The following IL3RA variants were observed in gnomAD, a reference collection of about 807,000 sequenced individuals.
The protein encoded by IL3RA is interleukin 3 receptor subunit alpha, also known as interleukin-3 receptor subunit alpha.
Under a neutral mutation model 52.3 loss-of-function variants are expected in IL3RA, and 73 were observed. The observed-to-expected ratio is 1.40, with a 90% confidence interval of 1.16 to 1.70. The LOEUF (loss-of-function observed/expected upper bound fraction) is 1.70, where lower values mean the gene tolerates loss of function less well. Ranked by LOEUF, IL3RA falls within the 40% of genes most tolerant of loss-of-function variation. The pLI is 0.00. For missense variants in IL3RA, 664 were observed against 504.4 expected (o/e 1.32, Z -3.03); for synonymous variants, 260 against 194.0 (o/e 1.34, Z -2.83).
intron 9 of IL3RA, among the ~76,000 whole-genome samples, chrX:1,377,335 G>T (rs1334044436): frequency 1.3e-5 from 2 of 152,100 alleles, no homozygotes; most frequent in Non-Finnish European, 2.9e-5. Flanking sequence ...CCACCTCGCA[G>T]GTTCAGGCCA....
intron 6 of IL3RA, among the ~76,000 whole-genome samples, chrX:1,353,357 T>G (rs1287304978): frequency 1.4e-5 from 2 of 141,406 alleles, no homozygotes; most frequent in Non-Finnish European, 3.0e-5. Context: ...TCATGAGTCA[T>G]GGGATCCCTC....
rs1380973133 is a variant in IL3RA, at chrX:1,358,048, C to T, written c.733-813C>T. ...TAAACCCAGAAGGCGGAGCTTGCAGCGAGCTGAGATTGTGCCACTGCACTC... is the reference window on the plus strand; with the variant it reads ...TAAACCCAGAAGGCGGAGCTTGCAGTGAGCTGAGATTGTGCCACTGCACTC... On this transcript the variant is annotated intron_variant, in intron 7 of 11. Transcript: ENST00000331035. Among the ~76,000 whole-genome samples the T allele has an allele frequency of 4.0e-5, 6 of 150,458 alleles. 1 individual carries two copies. In the East Asian group the frequency reaches 7.9e-4, roughly 20 times the overall value.
chrX:1,356,685 T>C (rs1306954472), intron 7 of IL3RA, among the ~76,000 whole-genome samples: 1 of 151,740 alleles, frequency 6.6e-6, no homozygotes, highest in Admixed American at 6.6e-5. Context: ...GGCAGGAGAA[T>C]TGCTTGAACC....
At chrX:1,359,173 A>T (rs1417730113) in intron 8 of IL3RA, among the ~76,000 whole-genome samples, 1 of 151,994 alleles carries the variant, frequency 6.6e-6, no homozygotes, top group Admixed American at 6.6e-5. Flanking sequence ...TGAGAGCCAG[A>T]TGCTATGGCT....
Position 1,358,899 on chromosome X carries a change from C to G in IL3RA, c.759+12C>G. On this transcript the variant is annotated intron_variant, in intron 8 of 11. Coordinates refer to ENST00000331035, the MANE Select transcript of IL3RA (RefSeq NM_002183.4). The stretch of plus-strand genomic sequence containing the variant: ...TAATCACAGAACAGGTGAGTGTTCC[C>G]TACCCCCAGCCGCTGTACTTGACAT... 1 of 1,610,132 alleles carries G rather than the reference C, an allele frequency of 6.2e-7. No individual in the cohort carries two copies. Among genetic ancestry groups the G allele is most frequent in the Non-Finnish European group, 8.5e-7 (1 of 1,177,886 alleles).
intron 3 of IL3RA, among the ~76,000 whole-genome samples, chrX:1,346,770 A>G (rs1389369537): frequency 6.6e-5 from 10 of 151,374 alleles, no homozygotes; most frequent in Non-Finnish European, 1.5e-4. Context: ...TGACACTGTG[A>G]GCTATTTACA....
chrX:1,347,834 C>T lies in IL3RA; in HGVS notation c.184-597C>T, dbSNP rs763275809. Among the ~76,000 whole-genome samples the T allele has an allele frequency of 4.2e-3, 625 of 149,558 alleles. 3 individuals are homozygous for T. The highest frequency in any genetic ancestry group is 7.1e-3 in the Non-Finnish European group (479 of 67,578). On this transcript the variant is annotated intron_variant, in intron 3 of 11. Coordinates refer to ENST00000331035, the MANE Select transcript of IL3RA (RefSeq NM_002183.4). ...AGGGTGGATCACGAGGTCAGGAGAT[C>T]GAGACCCTCCTGGCTAACACGGTGA... is the stretch of plus-strand genomic sequence containing the variant.
chrX:1,353,087 C>G (rs1158844733), intron 6 of IL3RA, among the ~76,000 whole-genome samples: 1 of 150,224 alleles, frequency 6.7e-6, no homozygotes, highest in Non-Finnish European at 1.5e-5. Flanking sequence ...GTCATAGGAC[C>G]CCCTATCATG....
Position 1,363,483 on chromosome X carries a change from G to C in IL3RA, c.760-1655G>C, listed in dbSNP as rs189889975. Among the ~76,000 whole-genome samples the C allele has an allele frequency of 4.8e-3, 729 of 151,126 alleles. 9 individuals carry two copies. The highest frequency in any genetic ancestry group is 0.017 in the African/African-American group (698 of 41,002). ...GCCCGGCTAATTTTTTGTATTTTTA[G>C]TAGAGACGGGGTTTCACTGTGGTCT... On this transcript the variant is annotated intron_variant, in intron 8 of 11. Coordinates refer to ENST00000331035, the MANE Select transcript of IL3RA (RefSeq NM_002183.4).
intron 2 of IL3RA, among the ~76,000 whole-genome samples, chrX:1,345,093 A>AG (rs1250372710): frequency 6.0e-5 from 9 of 150,300 alleles, no homozygotes; most frequent in African/African-American, 2.2e-4. Flanking sequence ...TGCTTGAACC[A>AG]GGAGGCGGAG....
At chrX:1,344,494 A>T (rs1364893661) in intron 2 of IL3RA, among the ~76,000 whole-genome samples, 1 of 151,486 alleles carries the variant, frequency 6.6e-6, no homozygotes, top group Non-Finnish European at 1.5e-5. Flanking sequence ...TTGTATATCA[A>T]CTGGGCATGG....
chrX:1,352,209 C>CTT lies in IL3RA; in HGVS notation c.408_409insTT (p.Asp137LeufsTer5). The CTT allele has an allele frequency of 6.2e-7, 1 of 1,613,620 alleles. No individual in the cohort carries two copies. The highest frequency in any genetic ancestry group is 1.1e-5 in the South Asian group (1 of 91,066). ...CGGGGGCCCCCGCGGACGTCCAGTA[C>CTT]GACCTGTACTTGAACGTTGCCAAGT... is the stretch of plus-strand genomic sequence containing the variant. On this transcript the variant is annotated frameshift_variant, in exon 5 of 12. Transcript: ENST00000331035. LOFTEE classifies it high-confidence loss of function.
chrX:1,354,131 T>C (rs188182375), intron 6 of IL3RA, among the ~76,000 whole-genome samples: 9 of 151,330 alleles, frequency 5.9e-5, no homozygotes, highest in African/African-American at 1.7e-4. Flanking sequence ...TCATGGGTCA[T>C]GGGAGCCCCC....
chrX:1,365,199 C>A lies in IL3RA; in HGVS notation c.821C>A (p.Ala274Asp). ...NPGTYTVQIR[A>D]RERVYEFLSA... ...GGAACGTACACAGTACAAATAAGAG[C>A]CCGGGAAAGAGTGTATGAATTCTTG... is the stretch of plus-strand genomic sequence containing the variant. The change falls in exon 9 of 12, where the codon GCC (alanine) becomes GAC (aspartate). Residue 274 changes from alanine to aspartate, a missense_variant. Physicochemically the swap from Ala to Asp is moderately radical, Grantham distance 126 (BLOSUM62 -2). Coordinates refer to ENST00000331035, the MANE Select transcript of IL3RA (RefSeq NM_002183.4). 6.2e-7 allele frequency: 1 copy of A among 1,611,514 alleles called. No homozygotes were observed. The highest frequency in any genetic ancestry group is 2.2e-5 in the East Asian group (1 of 44,830).
chrX:1,356,663 T>C (rs2086744613), intron 7 of IL3RA, among the ~76,000 whole-genome samples: 1 of 150,570 alleles, frequency 6.6e-6, no homozygotes, highest in African/African-American at 2.5e-5. Flanking sequence ...TTCCAGCTAC[T>C]GGGGAGGCCG....
intron 7 of IL3RA, among the ~76,000 whole-genome samples, 163 bp downstream of exon 7, chrX:1,356,499 G>A (rs1386293405): frequency 2.0e-5 from 3 of 152,142 alleles, no homozygotes; most frequent in Admixed American, 1.3e-4. Context: ...GCCGGGCGCT[G>A]TGGCTCACGC....
intron 2 of IL3RA, among the ~76,000 whole-genome samples, chrX:1,342,999 C>T (rs1200862821): frequency 1.1e-4 from 17 of 151,682 alleles, no homozygotes; most frequent in South Asian, 2.1e-4. Context: ...CGCTTGAACC[C>T]GGGAGGAGGA....
intron 6 of IL3RA, among the ~76,000 whole-genome samples, chrX:1,353,409 T>C (rs1603444356): frequency 6.9e-6 from 1 of 145,592 alleles, no homozygotes; most frequent in African/African-American, 2.6e-5. Flanking sequence ...CCATCATGGA[T>C]TCCATCATGG....
At chrX:1,337,391 G>C (rs1300754646) in intron 1 of IL3RA, among the ~76,000 whole-genome samples, 3 of 152,168 alleles carry the variant, frequency 2.0e-5, no homozygotes, top group Non-Finnish European at 1.5e-5. Flanking sequence ...CCTGCTTGTA[G>C]TGTTTCTCAG....
Sources: gnomAD v4.1 joint callset for allele counts (sites outside exome capture counted in the v4.1 genomes callset) on GRCh38, gnomAD v4.1.1 for gene constraint, MANE v1.5 for transcripts, NCBI Gene and HGNC (gene_info 2026-07-23, HGNC 2026-07-21) for gene names.